Variants in MYO5C observed in about 807,000 individuals in gnomAD.
The protein encoded by MYO5C is myosin VC.
A neutral mutation model predicts 235.7 loss-of-function variants in MYO5C; 194 were observed. The ratio of observed to expected loss-of-function variants is 0.82; its 90% CI spans 0.73 to 0.93. MYO5C has a LOEUF of 0.93. Ranked by LOEUF, MYO5C falls within the 40% of genes least tolerant of loss-of-function variation. The pLI, the probability that MYO5C is intolerant of heterozygous loss-of-function variation, is 0.00. For missense variants in MYO5C, 2,038 were observed against 2,127.2 expected (o/e 0.96, Z 0.82); for synonymous variants, 707 against 754.8 (o/e 0.94, Z 1.04).
At chr15:52,198,157 A>G (rs190890217) in intron 38 of MYO5C, among the ~76,000 whole-genome samples, 14 of 151,860 alleles carry the variant, frequency 9.2e-5, no homozygotes, top group Non-Finnish European at 1.3e-4. Flanking sequence ...ACATGGCAAA[A>G]CCCTGTCTCC....
In MYO5C at chr15:52,243,564, T is replaced by G. The variant is rs1451090600; in HGVS notation, c.2390+792A>C. On this transcript the variant is annotated intron_variant, in intron 19 of 40. Transcript: ENST00000261839. Reference sequence around the variant, plus strand: ...GGCCAGATGCTGCCACAGTTCAGCCTCCAGCTCAGGAAGAAGTCAGGCTTG... The same window carrying G: ...GGCCAGATGCTGCCACAGTTCAGCCGCCAGCTCAGGAAGAAGTCAGGCTTG... 3.9e-5 allele frequency: 6 copies of G among 152,346 alleles called. No individual in the cohort carries two copies. In the East Asian group the frequency reaches 1.2e-3, roughly 29 times the overall value. 9.4% of individuals were successfully genotyped at this position (152,346 alleles called of 1,614,324 possible). A position where few individuals can be genotyped will look rare whatever the true frequency, so the allele number is the denominator to read the frequency against.
chr15:52,269,692 T>C, intron 8 of MYO5C, 61 bp downstream of exon 8: 1 of 1,209,968 alleles, frequency 8.3e-7, no homozygotes, highest in Non-Finnish European at 1.2e-6. Flanking sequence ...CGCCTGGCCT[T>C]AATTTTTTTT....
At chr15:52,272,142 T>A (rs918172387) in intron 6 of MYO5C, among the ~76,000 whole-genome samples, 1 of 152,254 alleles carries the variant, frequency 6.6e-6, no homozygotes, top group African/African-American at 2.4e-5. Flanking sequence ...TACAAGGCTT[T>A]CTGTTGCTCT....
At chr15:52,284,103 G>GC (rs79975391) in intron 1 of MYO5C, among the ~76,000 whole-genome samples, 8,772 of 150,856 alleles carry the variant, frequency 0.058, 481 homozygotes, top group African/African-American at 0.14. Context: ...CAAAATATAA[G>GC]CCCCCCCCTC....
At chr15:52,206,085 A>G (rs908681745) in intron 36 of MYO5C, 119 bp from the exon 37 acceptor site, 2 of 641,002 alleles carry the variant, frequency 3.1e-6, no homozygotes, top group Admixed American at 3.5e-5. Context: ...AAATGAGTTC[A>G]TGATGCTTGG....
rs771048752 is a variant in MYO5C, at chr15:52,242,069, C to G, written c.2535G>C (p.Leu845=). The part of the protein sequence containing the change: ...ITMQAYSRGF[L]ARRRYRKMLE... ...TCACCTTTCGATACCTCCTCCTTGC[C>G]AGGAATCCTCGGCTGTAGGCCTGCA... Residue 845 remains leucine (L), a synonymous_variant, in exon 20 of 41, where the codon CTG becomes CTC. Coordinates refer to ENST00000261839, the MANE Select transcript of MYO5C (RefSeq NM_018728.4). 5.3e-5 allele frequency: 86 copies of G among 1,612,706 alleles called. No homozygotes were observed. The highest frequency in any genetic ancestry group is 6.7e-5 in the Non-Finnish European group (79 of 1,179,340).
chr15:52,281,118 T>C (rs1380924453), intron 2 of MYO5C, among the ~76,000 whole-genome samples: 2 of 152,246 alleles, frequency 1.3e-5, no homozygotes, highest in African/African-American at 2.4e-5. Flanking sequence ...GTTTTTCTGT[T>C]GTAAATCCAC....
rs2036948365 is a variant in MYO5C at position 52,272,596 on chromosome 15, G to A, written c.734C>T (p.Ser245Phe). The change falls in exon 6 of 41, where the codon TCC (serine) becomes TTC (phenylalanine). Residue 245 changes from serine (S) to phenylalanine (F), a missense_variant. By Grantham distance (155) the Ser-to-Phe change is radical (BLOSUM62 -2). Coordinates refer to ENST00000261839, the MANE Select transcript of MYO5C (RefSeq NM_018728.4). ...ANMSTYLLEK[S>F]RVVFQSENER... is the part of the protein sequence containing the mutation. ...AATACTTACTTGAAAGACAACTCTGGATTTCTCCAGGAGGTAAGTGCTCAT... is the reference window on the plus strand; with the variant it reads ...AATACTTACTTGAAAGACAACTCTGAATTTCTCCAGGAGGTAAGTGCTCAT... 1 of 1,611,648 alleles carries A rather than the reference G, an allele frequency of 6.2e-7. No individual in the cohort carries two copies. Among genetic ancestry groups the A allele is most frequent in the Non-Finnish European group, 8.5e-7 (1 of 1,179,464 alleles).
chr15:52,258,055 G>A (rs920734204), intron 10 of MYO5C, among the ~76,000 whole-genome samples: 1 of 152,170 alleles, frequency 6.6e-6, no homozygotes, highest in African/African-American at 2.4e-5. Flanking sequence ...ATTAAAAAGG[G>A]TCTCACTGAG....
intron 8 of MYO5C, 99 bp downstream of exon 8, chr15:52,269,654 G>C: frequency 1.3e-6 from 1 of 741,786 alleles, no homozygotes; most frequent in Non-Finnish European, 2.3e-6. Context: ...GCCTCCCAAA[G>C]TGTTGGGATT....
chr15:52,275,771 C>G, intron 4 of MYO5C, 53 bp from the exon 5 acceptor site: 1 of 1,569,736 alleles, frequency 6.4e-7, no homozygotes, highest in East Asian at 2.2e-5. Flanking sequence ...AAAGAGGCAA[C>G]ATGTGCTAAT....
chr15:52,256,498 C>T (rs1342032737), intron 11 of MYO5C, 141 bp downstream of exon 11: 1 of 605,292 alleles, frequency 1.7e-6, no homozygotes, highest in Non-Finnish European at 2.9e-6. Flanking sequence ...GGTGCAGTGA[C>T]CCAGCGTGAG....
Position 52,261,105 on chromosome 15 carries a change from A to T in MYO5C, c.1070T>A (p.Val357Glu). ...SVSEDDSHLK[V>E]FCELLGLESG... ...CTCCAGGCCCAGGAGCTCACAGAAC[A>T]CCTTCAGGTGACTGTCATCCTCCTT... The change falls in exon 10 of 41, where the codon GTG (valine) becomes GAG (glutamate). Residue 357 changes from valine (V) to glutamate (E), a missense_variant. By Grantham distance (121) the Val-to-Glu change is moderately radical. Transcript: ENST00000261839. 1 of 1,614,024 alleles carries T rather than the reference A, an allele frequency of 6.2e-7. No homozygotes were observed. The highest frequency in any genetic ancestry group is 8.5e-7 in the Non-Finnish European group (1 of 1,179,994).
At chr15:52,258,843 C>T (rs1464696894) in intron 10 of MYO5C, among the ~76,000 whole-genome samples, 1 of 152,168 alleles carries the variant, frequency 6.6e-6, no homozygotes, top group African/African-American at 2.4e-5. Flanking sequence ...TCAGGTTTTT[C>T]CACATAGCTG....
intron 1 of MYO5C, among the ~76,000 whole-genome samples, chr15:52,292,207 C>T (rs1395421088): frequency 6.6e-6 from 1 of 152,096 alleles, no homozygotes; most frequent in African/African-American, 2.4e-5. Context: ...TCTTGCTGGA[C>T]ACTGGGATTG....
At chr15:52,201,257 C>G (rs1340050177) in intron 38 of MYO5C, among the ~76,000 whole-genome samples, 1 of 150,720 alleles carries the variant, frequency 6.6e-6, no homozygotes, top group Non-Finnish European at 1.5e-5. Context: ...AAACTAAAGA[C>G]AAAGAAAAAA....
At chr15:52,200,718 GAC>G (rs1410541668) in intron 38 of MYO5C, among the ~76,000 whole-genome samples, 1 of 152,058 alleles carries the variant, frequency 6.6e-6, no homozygotes, top group Non-Finnish European at 1.5e-5. Context: ...ACACTGAGAT[GAC>G]ACAGATATTC....
chr15:52,205,725 C>T (rs2035297258), intron 37 of MYO5C, 91 bp downstream of exon 37: 1 of 719,494 alleles, frequency 1.4e-6, no homozygotes, highest in Non-Finnish European at 2.1e-6. Context: ...AACAATGTTA[C>T]ACATAATCAC....
intron 20 of MYO5C, among the ~76,000 whole-genome samples, chr15:52,241,828 C>T (rs1275940247): frequency 6.6e-6 from 1 of 152,048 alleles, no homozygotes. Flanking sequence ...TCACTGCAGC[C>T]TCGAACTCCT....
Sources: allele counts gnomAD v4.1 joint callset (sites outside exome capture counted in the v4.1 genomes callset), GRCh38; gene constraint gnomAD v4.1.1; transcripts MANE v1.5; gene names NCBI Gene and HGNC (gene_info 2026-07-23, HGNC 2026-07-21).